The following CHM variants were observed in gnomAD, a reference collection of about 807,000 sequenced individuals.
CHM encodes CHM Rab escort protein, also known as rab proteins geranylgeranyltransferase component A 1.
A neutral mutation model predicts 49.0 loss-of-function variants in CHM; 10 were observed. That is an observed-to-expected ratio of 0.20 (90% CI 0.13 to 0.35). The LOEUF (loss-of-function observed/expected upper bound fraction) is 0.35, where lower values mean the gene tolerates loss of function less well. CHM is among the 10% of genes least tolerant of loss of function. CHM has a pLI of 1.00. For synonymous variants in CHM, 184 were observed against 167.5 expected (o/e 1.10, Z -0.76); for missense variants, 455 against 478.4 (o/e 0.95, Z 0.46).
chrX:85,895,821 A>G (rs776733430), intron 11 of CHM, among the ~76,000 whole-genome samples: 1 of 111,758 alleles, frequency 8.9e-6, no homozygotes, highest in South Asian at 3.8e-4. Context: ...ATGTTGAACA[A>G]TAGTTAAATG....
chrX:86,003,501 C>A (rs952359801), intron 2 of CHM, among the ~76,000 whole-genome samples: 2 of 111,701 alleles, frequency 1.8e-5, no homozygotes, highest in African/African-American at 6.5e-5. Flanking sequence ...CGCAAAGAAG[C>A]TAAAAACCTT....
intron 13 of CHM, among the ~76,000 whole-genome samples, chrX:85,877,866 G>T (rs1453894420): frequency 1.8e-5 from 2 of 111,511 alleles, no homozygotes; most frequent in African/African-American, 6.5e-5. Flanking sequence ...AACAGAACAG[G>T]TATGAGTAAA....
intron 7 of CHM, 35 bp from the exon 8 acceptor site, chrX:85,956,413 G>T (rs1261320184): frequency 7.6e-6 from 9 of 1,181,567 alleles, no homozygotes; most frequent in South Asian, 1.9e-5. Context: ...CTTAAAATCA[G>T]AACTAAACTT....
At chrX:85,896,885 A>C (rs935649765) in intron 11 of CHM, among the ~76,000 whole-genome samples, 2 of 97,392 alleles carry the variant, frequency 2.1e-5, no homozygotes, top group Non-Finnish European at 4.0e-5. Flanking sequence ...ATTACATATT[A>C]TATATAGTAT....
At chrX:86,002,414 T>C (rs772085756) in intron 2 of CHM, among the ~76,000 whole-genome samples, 7 of 111,786 alleles carry the variant, frequency 6.3e-5, no homozygotes, top group East Asian at 2.8e-4. Flanking sequence ...TAGTACAACA[T>C]AGAAAAATGC....
At chrX:85,986,818 A>G (rs766403977) in intron 2 of CHM, among the ~76,000 whole-genome samples, 4 of 111,993 alleles carry the variant, frequency 3.6e-5, no homozygotes, top group African/African-American at 1.3e-4. Flanking sequence ...TGACCAGGCT[A>G]AGCCGCCTGA....
At chrX:85,929,045 A>G (rs1233186095) in intron 8 of CHM, among the ~76,000 whole-genome samples, 1 of 111,891 alleles carries the variant, frequency 8.9e-6, no homozygotes, top group Non-Finnish European at 1.9e-5. Context: ...AAGAAGTAAA[A>G]AGTCTCAAAC....
intron 4 of CHM, among the ~76,000 whole-genome samples, chrX:85,976,875 AACAC>A (rs201555478): frequency 0.057 from 4,319 of 76,222 alleles, 166 homozygotes; most frequent in African/African-American, 0.12. Context: ...AACACACACA[AACAC>A]ACACACACAC....
At chrX:85,890,941 G>T (rs189664006) in intron 12 of CHM, among the ~76,000 whole-genome samples, 162 of 111,595 alleles carry the variant, frequency 1.5e-3, no homozygotes, top group African/African-American at 5.0e-3. Flanking sequence ...GAACAGTAAG[G>T]TCCAGGCTGA....
chrX:85,928,268 C>T (rs1028056220), intron 8 of CHM, among the ~76,000 whole-genome samples: 40 of 111,911 alleles, frequency 3.6e-4, no homozygotes, highest in Admixed American at 1.7e-3. Context: ...TAGGGCCGGG[C>T]GCGGTGGCTC....
chrX:85,906,987 C>G (rs1244166033), intron 9 of CHM, among the ~76,000 whole-genome samples: 1 of 110,862 alleles, frequency 9.0e-6, no homozygotes, highest in Non-Finnish European at 1.9e-5. Flanking sequence ...CAAAAATTAG[C>G]CAAGCGTGGT....
chrX:85,920,262 A>AT (rs1186249702), intron 8 of CHM, among the ~76,000 whole-genome samples: 2 of 108,589 alleles, frequency 1.8e-5, no homozygotes, highest in East Asian at 2.9e-4. Flanking sequence ...CACCCAGCTA[A>AT]TTTTTTCTAT....
At chrX:86,009,679 C>T (rs1932976528) in intron 2 of CHM, among the ~76,000 whole-genome samples, 2 of 111,841 alleles carry the variant, frequency 1.8e-5, no homozygotes, top group African/African-American at 6.5e-5. Flanking sequence ...TTTAGTGTTT[C>T]AGATCTTGGT....
At chrX:85,978,967 T>G in intron 3 of CHM, 76 bp from the exon 4 acceptor site, 17 of 1,045,163 alleles carry the variant, frequency 1.6e-5, no homozygotes, top group Non-Finnish European at 2.2e-5. Flanking sequence ...AAAATTTACC[T>G]CTTGTCTAAA....
chrX:85,960,044 T>A, intron 5 of CHM, among the ~76,000 whole-genome samples: 1 of 111,645 alleles, frequency 9.0e-6, no homozygotes. Flanking sequence ...TGATTAAATA[T>A]GGCACGTTAC....
chrX:85,967,803 A>C (rs1302157785), intron 4 of CHM, among the ~76,000 whole-genome samples: 1 of 111,685 alleles, frequency 9.0e-6, no homozygotes, highest in African/African-American at 3.2e-5. Context: ...CTAATTGCCA[A>C]AATTCATATA....
At chrX:86,001,039 C>T (rs1932693039) in intron 2 of CHM, among the ~76,000 whole-genome samples, 1 of 111,547 alleles carries the variant, frequency 9.0e-6, no homozygotes, top group Non-Finnish European at 1.9e-5. Context: ...ATATATTTCC[C>T]AATTAGCTTG....
chrX:85,995,260 T>TAAAAAAAAAAAA (rs55742394), intron 2 of CHM, among the ~76,000 whole-genome samples: 1 of 46,810 alleles, frequency 2.1e-5, no homozygotes, highest in Non-Finnish European at 3.6e-5. Flanking sequence ...CCTTATTACT[T>TAAAAAAAAAAAA]AAAAAAAAAA....
intron 3 of CHM, among the ~76,000 whole-genome samples, chrX:85,980,298 T>A (rs1569236518): frequency 8.9e-6 from 1 of 111,849 alleles, no homozygotes; most frequent in Non-Finnish European, 1.9e-5. Flanking sequence ...AATACATGAA[T>A]ATTTAAGCAC....
Sources: allele counts gnomAD v4.1 joint callset (sites outside exome capture counted in the v4.1 genomes callset), GRCh38; gene constraint gnomAD v4.1.1; transcripts MANE v1.5; gene names NCBI Gene and HGNC (gene_info 2026-07-23, HGNC 2026-07-21).